The following GRIK4 variants were observed in gnomAD, a reference collection of about 807,000 sequenced individuals.
The protein encoded by GRIK4 is glutamate receptor ionotropic, kainate 4.
GRIK4 carries 40 observed loss-of-function variants against 104.9 expected under a neutral mutation model. The ratio of observed to expected loss-of-function variants is 0.38; its 90% CI spans 0.30 to 0.50. The LOEUF (loss-of-function observed/expected upper bound fraction) is 0.50, where lower values mean the gene tolerates loss of function less well. GRIK4 is among the 20% of genes least tolerant of loss of function. The probability of loss-of-function intolerance (pLI) is 0.93; values close to 1 mark genes in which losing one functional copy is unlikely to be tolerated. For synonymous variants in GRIK4, 485 were observed against 524.9 expected (o/e 0.92, Z 1.04); for missense variants, 1,047 against 1,308.1 (o/e 0.80, Z 3.08).
rs1029573190 is a variant in GRIK4, at chr11:120,884,412, G to A, written c.1164+9169G>A. 2.0e-5 allele frequency among the ~76,000 whole-genome samples: 3 copies of A among 152,248 alleles called. No individual in the cohort carries two copies. In the South Asian group the frequency reaches 6.2e-4, roughly 31 times the overall value. ...GGGCAGAGAGAAGAACAAAACGGGG[G>A]TGAGCGAGACGCCCAGGGCCAGGTC... On this transcript the variant is annotated intron_variant, in intron 11 of 20. Coordinates refer to ENST00000527524, the MANE Select transcript of GRIK4 (RefSeq NM_014619.5).
intron 1 of GRIK4, among the ~76,000 whole-genome samples, chr11:120,604,680 G>A (rs1340229845): frequency 1.3e-5 from 2 of 152,248 alleles, no homozygotes; most frequent in Admixed American, 6.5e-5. Flanking sequence ...CCCTGTTAGC[G>A]ATAAGCCAGA....
At chr11:120,857,601 A>G (rs998781493) in intron 8 of GRIK4, among the ~76,000 whole-genome samples, 2 of 152,166 alleles carry the variant, frequency 1.3e-5, no homozygotes, top group Non-Finnish European at 2.9e-5. Context: ...AAAAAAAAAT[A>G]CAATAATGCA....
chr11:120,697,214 T>C (rs1345060341), intron 3 of GRIK4, among the ~76,000 whole-genome samples: 5 of 152,212 alleles, frequency 3.3e-5, no homozygotes, highest in Non-Finnish European at 7.3e-5. Flanking sequence ...GAGCCTTTGG[T>C]TGGCTGTGCT....
rs369374873 is a variant in GRIK4, at chr11:120,644,011, CTG to C, written c.-158-9641_-158-9640del. Among the ~76,000 whole-genome samples, 556 of 122,890 alleles carry C rather than the reference CTG, an allele frequency of 4.5e-3. 1 individual carries two copies. Among genetic ancestry groups the C allele is most frequent in the Middle Eastern group, 0.012 (3 of 256 alleles). 80.6% of individuals were successfully genotyped at this position (122,890 alleles called of 152,430 possible). ...ATGACAAGTTTCCAGGGGAGAGGGT[CTG>C]TGTGTGTGTGTGTGTGTGTGTGTGT... is the stretch of plus-strand genomic sequence containing the variant. On this transcript the variant is annotated intron_variant, in intron 1 of 20. Coordinates refer to ENST00000527524, the MANE Select transcript of GRIK4 (RefSeq NM_014619.5).
At chr11:120,596,035 C>T (rs1273192671) in intron 1 of GRIK4, among the ~76,000 whole-genome samples, 7 of 152,078 alleles carry the variant, frequency 4.6e-5, no homozygotes, top group South Asian at 2.1e-4. Flanking sequence ...TTAGTAGAGA[C>T]GGTGTTTCAT....
At chr11:120,984,862 G>A (rs944755648) in intron 20 of GRIK4, among the ~76,000 whole-genome samples, 2 of 131,220 alleles carry the variant, frequency 1.5e-5, no homozygotes, top group African/African-American at 2.9e-5. Flanking sequence ...TCAGTCTGTC[G>A]CCCAAGCTGG....
chr11:120,759,382 A>G (rs1951706369), intron 3 of GRIK4, among the ~76,000 whole-genome samples: 1 of 152,204 alleles, frequency 6.6e-6, no homozygotes, highest in South Asian at 2.1e-4. Context: ...CAGGGACATC[A>G]GATTCAGGCT....
intron 1 of GRIK4, among the ~76,000 whole-genome samples, chr11:120,536,496 A>G (rs1431197145): frequency 5.3e-5 from 8 of 152,206 alleles, no homozygotes; most frequent in Non-Finnish European, 8.8e-5. Flanking sequence ...GACCTGGAAC[A>G]TTGATTACAG....
At chr11:120,755,035 T>C (rs1466195776) in intron 3 of GRIK4, among the ~76,000 whole-genome samples, 2 of 152,242 alleles carry the variant, frequency 1.3e-5, no homozygotes, top group Non-Finnish European at 1.5e-5. Flanking sequence ...CTGCAAACGA[T>C]GTCAGTGTTA....
At chr11:120,670,110 C>T (rs1336422841) in intron 3 of GRIK4, among the ~76,000 whole-genome samples, 1 of 152,246 alleles carries the variant, frequency 6.6e-6, no homozygotes, top group Non-Finnish European at 1.5e-5. Flanking sequence ...CACATCCTCT[C>T]TATCAACAGT....
intron 4 of GRIK4, among the ~76,000 whole-genome samples, chr11:120,813,792 C>T (rs1457718024): frequency 1.3e-5 from 2 of 152,162 alleles, no homozygotes; most frequent in African/African-American, 2.4e-5. Flanking sequence ...ATTGCTAGGC[C>T]AGGGAAATTG....
At position 120,785,309 on chromosome 11, in the gene GRIK4, C is replaced by A. The variant is rs139164328; in HGVS notation, c.83-17384C>A. On this transcript the variant is annotated intron_variant, in intron 3 of 20. Transcript: ENST00000527524. ...AGATGTAGCTGGGGGCTCTCCATGA[C>A]TGCTTTCAAAAGAGAACACATGGGG... 1.3e-3 allele frequency among the ~76,000 whole-genome samples: 204 copies of A among 152,336 alleles called. 2 individuals are homozygous for A. Among genetic ancestry groups the A allele is most frequent in the African/African-American group, 4.4e-3 (183 of 41,576 alleles).
At chr11:120,947,199 C>T (rs1314349711) in intron 14 of GRIK4, among the ~76,000 whole-genome samples, 6 of 152,050 alleles carry the variant, frequency 3.9e-5, no homozygotes, top group Non-Finnish European at 5.9e-5. Flanking sequence ...GTCAAGTGTT[C>T]GAGACCAGCC....
chr11:120,539,733 C>T (rs1398147111), intron 1 of GRIK4, among the ~76,000 whole-genome samples: 1 of 152,162 alleles, frequency 6.6e-6, no homozygotes, highest in African/African-American at 2.4e-5. Flanking sequence ...AACACACAAG[C>T]AAAACGCCTC....
chr11:120,674,435 G>A (rs1289835678), intron 3 of GRIK4, among the ~76,000 whole-genome samples: 1 of 152,222 alleles, frequency 6.6e-6, no homozygotes, highest in Non-Finnish European at 1.5e-5. Context: ...CTCTTCATAG[G>A]TTGGGCTTTG....
intron 1 of GRIK4, among the ~76,000 whole-genome samples, chr11:120,578,655 AT>A (rs1392351192): frequency 6.6e-6 from 1 of 152,170 alleles, no homozygotes; most frequent in Non-Finnish European, 1.5e-5. Context: ...GTGGAATTGG[AT>A]TCCGAATCCC....
At chr11:120,895,183 C>T (rs1295062925) in intron 11 of GRIK4, among the ~76,000 whole-genome samples, 1 of 152,024 alleles carries the variant, frequency 6.6e-6, no homozygotes, top group African/African-American at 2.4e-5. Context: ...GCCGGGGCTT[C>T]TTTTAGCAAG....
intron 1 of GRIK4, among the ~76,000 whole-genome samples, chr11:120,604,435 A>G (rs1948931149): frequency 6.6e-6 from 1 of 152,198 alleles, no homozygotes. Context: ...GGACAAAGCT[A>G]ACTATGCTAC....
At chr11:120,820,517 A>G (rs1324640513) in intron 6 of GRIK4, among the ~76,000 whole-genome samples, 2 of 152,146 alleles carry the variant, frequency 1.3e-5, no homozygotes, top group African/African-American at 4.8e-5. Context: ...AGTGTTTATG[A>G]GATTTAGCTA....
Sources: gnomAD v4.1 joint callset for allele counts (sites outside exome capture counted in the v4.1 genomes callset) on GRCh38, gnomAD v4.1.1 for gene constraint, MANE v1.5 for transcripts, NCBI Gene and HGNC (gene_info 2026-07-23, HGNC 2026-07-21) for gene names.